Variants in PTPRQ observed in about 807,000 individuals in gnomAD.
The protein encoded by PTPRQ is phosphatidylinositol phosphatase PTPRQ.
Under a neutral mutation model 246.0 loss-of-function variants are expected in PTPRQ, and 199 were observed. That is an observed-to-expected ratio of 0.81 (90% CI 0.72 to 0.91). The LOEUF is 0.91. PTPRQ is among the 40% of genes least tolerant of loss of function. The pLI is 0.00. For synonymous variants in PTPRQ, 869 were observed against 853.2 expected (o/e 1.02, Z -0.32); for missense variants, 2,624 against 2,528.4 (o/e 1.04, Z -0.81).
At chr12:80,661,870 T>A (rs186239652) in intron 39 of PTPRQ, among the ~76,000 whole-genome samples, 52 of 151,986 alleles carry the variant, frequency 3.4e-4, no homozygotes, top group African/African-American at 1.3e-3. Context: ...ACAAATAGTA[T>A]TCAAAATGAC....
In PTPRQ at chr12:80,642,918, T is replaced by TCAAAAAAAAAAA. The variant is rs1400331385; in HGVS notation, c.5916-5979_5916-5978insCAAAAAAAAAAA. 4.3e-5 allele frequency among the ~76,000 whole-genome samples: 3 copies of TCAAAAAAAAAAA among 69,390 alleles called. 1 individual carries two copies. Among genetic ancestry groups the TCAAAAAAAAAAA allele is most frequent in the African/African-American group, 4.0e-4 (3 of 7,536 alleles). 45.5% of individuals were successfully genotyped at this position (69,390 alleles called of 152,430 possible). A position where few individuals can be genotyped will look rare whatever the true frequency, so the allele number is the denominator to read the frequency against. On this transcript the variant is annotated intron_variant, in intron 35 of 44. Transcript: ENST00000644991. ...CTGGGCGACAGAGCGAGACTCCGTC[T>TCAAAAAAAAAAA]TAAAAAAAAAAAAAAAAAAAAAAAA...
chr12:80,570,782 C>T (rs1897124113), intron 25 of PTPRQ, among the ~76,000 whole-genome samples: 1 of 152,012 alleles, frequency 6.6e-6, no homozygotes. Context: ...GGAAGGGGTC[C>T]AGTTTCAGTT....
At chr12:80,487,017 G>A (rs12315860) in intron 9 of PTPRQ, among the ~76,000 whole-genome samples, 10,994 of 152,108 alleles carry the variant, frequency 0.072, 1,047 homozygotes, top group African/African-American at 0.21. Context: ...ACTTTTTAGT[G>A]AAGATGTTCC....
Position 80,569,090 on chromosome 12 carries a change from C to T in PTPRQ, c.4286-19039C>T, listed in dbSNP as rs188372170. Among the ~76,000 whole-genome samples, 521 of 145,774 alleles carry T rather than the reference C, an allele frequency of 3.6e-3. 5 individuals carry two copies. Among genetic ancestry groups the T allele is most frequent in the Non-Finnish European group, 2.5e-3 (166 of 66,628 alleles). The stretch of plus-strand genomic sequence containing the variant: ...TCCTGAATTGTCTGTCTTTTTAGTA[C>T]TGAGTTATAGGAGTTCTTTATACAT... On this transcript the variant is annotated intron_variant, in intron 25 of 44. Transcript: ENST00000644991.
Position 80,459,372 on chromosome 12 carries a change from C to G in PTPRQ, c.549C>G (p.Gly183=). The G allele has an allele frequency of 2.5e-6, 1 of 398,430 alleles. No homozygotes were observed. Among genetic ancestry groups the G allele is most frequent in the Non-Finnish European group, 4.4e-6 (1 of 225,984 alleles). The allele number at this position is 398,430 out of a possible 1,614,324, so 24.7% of individuals were successfully genotyped here. The part of the protein sequence containing the change: ...LIWYLPRQPN[G]KITSFKISVK... ...GGTATTTACCTCGGCAACCAAATGG[C>G]AAAATTACCAGCTTCAAGATTAGTG... The change falls in exon 5 of 45, where the codon GGC becomes GGG. Residue 183 remains glycine (G), a synonymous_variant. Coordinates refer to ENST00000644991, the MANE Select transcript of PTPRQ (RefSeq NM_001145026.2).
chr12:80,509,251 G>T (rs1057466599), intron 16 of PTPRQ, among the ~76,000 whole-genome samples: 3 of 151,934 alleles, frequency 2.0e-5, no homozygotes, highest in African/African-American at 7.2e-5. Flanking sequence ...GAAAATTATT[G>T]TTAGTTAAAT....
At chr12:80,643,217 CCCCT>C (rs1899952164) in intron 35 of PTPRQ, among the ~76,000 whole-genome samples, 1 of 151,970 alleles carries the variant, frequency 6.6e-6, no homozygotes, top group African/African-American at 2.4e-5. Context: ...GCGGGTAGAT[CCCCT>C]GAGGTCAGGA....
chr12:80,487,888 G>A (rs2120625066), intron 9 of PTPRQ, among the ~76,000 whole-genome samples: 2 of 152,152 alleles, frequency 1.3e-5, no homozygotes, highest in East Asian at 3.9e-4. Context: ...TCTAGGTACA[G>A]CTTAGATTGG....
At position 80,449,321 on chromosome 12, in the gene PTPRQ, G is replaced by A. The variant is rs1225964794; in HGVS notation, c.390+3604G>A. The stretch of plus-strand genomic sequence containing the variant: ...TTGTGAAAATTTTCCCCCATTTTTT[G>A]GGTTGCCTGTTCACTCTGATGGTAG... On this transcript the variant is annotated intron_variant, in intron 3 of 44. Coordinates refer to ENST00000644991, the MANE Select transcript of PTPRQ (RefSeq NM_001145026.2). Among the ~76,000 whole-genome samples, 6 of 151,822 alleles carry A rather than the reference G, an allele frequency of 4.0e-5. 1 individual carries two copies. Among genetic ancestry groups the A allele is most frequent in the Admixed American group, 2.6e-4 (4 of 15,250 alleles).
At chr12:80,502,327 G>C (rs1894826368) in intron 14 of PTPRQ, among the ~76,000 whole-genome samples, 1 of 151,942 alleles carries the variant, frequency 6.6e-6, no homozygotes, top group Admixed American at 6.6e-5. Flanking sequence ...TCAGAGGTTT[G>C]TGAAGAGAGA....
At chr12:80,571,499 C>T (rs899602447) in intron 25 of PTPRQ, among the ~76,000 whole-genome samples, 1 of 152,156 alleles carries the variant, frequency 6.6e-6, no homozygotes, top group African/African-American at 2.4e-5. Flanking sequence ...GCTTGACTTT[C>T]TGTTTTCTTA....
At chr12:80,634,167 C>T (rs1283260728) in intron 34 of PTPRQ, among the ~76,000 whole-genome samples, 1 of 152,062 alleles carries the variant, frequency 6.6e-6, no homozygotes, top group Non-Finnish European at 1.5e-5. Flanking sequence ...TGAAATCTTG[C>T]CTCTCAACTA....
At chr12:80,562,262 C>T (rs2120922432) in intron 25 of PTPRQ, among the ~76,000 whole-genome samples, 1 of 152,194 alleles carries the variant, frequency 6.6e-6, no homozygotes, top group South Asian at 2.1e-4. Context: ...CTTTTTTGCA[C>T]TGCCTTTATC....
At chr12:80,636,005 T>C (rs1277738527) in intron 35 of PTPRQ, among the ~76,000 whole-genome samples, 1 of 152,214 alleles carries the variant, frequency 6.6e-6, no homozygotes, top group Non-Finnish European at 1.5e-5. Flanking sequence ...AGATGGACTT[T>C]GCAAGTATAT....
Position 80,452,856 on chromosome 12 carries a change from T to C in PTPRQ, c.391-4719T>C, listed in dbSNP as rs1411541073. ...ACAATTATGTGTCTTGGAGTCGCTC[T>C]TCTCGAGGAGTATCTTTGTAGCGTT... On this transcript the variant is annotated intron_variant, in intron 3 of 44. Coordinates refer to ENST00000644991, the MANE Select transcript of PTPRQ (RefSeq NM_001145026.2). 2.0e-5 allele frequency among the ~76,000 whole-genome samples: 3 copies of C among 152,274 alleles called. No individual in the cohort carries two copies. The East Asian group carries it at 5.8e-4, about 29-fold the overall frequency.
intron 7 of PTPRQ, 54 bp downstream of exon 7, chr12:80,468,892 G>T: frequency 6.6e-7 from 1 of 1,521,298 alleles, no homozygotes; most frequent in South Asian, 1.3e-5. Flanking sequence ...AATAAAATAT[G>T]TTACCAATAT....
intron 33 of PTPRQ, 141 bp downstream of exon 33, chr12:80,622,275 T>C: frequency 1.3e-6 from 1 of 781,558 alleles, no homozygotes; most frequent in African/African-American, 1.8e-5. Context: ...TAGTAATATT[T>C]GTGGGTTTTT....
chr12:80,654,019 T>TTTCTTTCTTTCTTTCTTTC (rs1565843331), intron 38 of PTPRQ, among the ~76,000 whole-genome samples: 6 of 151,728 alleles, frequency 4.0e-5, no homozygotes, highest in African/African-American at 1.5e-4. Context: ...TTCTTTCTTT[T>TTTCTTTCTTTCTTTCTTTC]TTTCTTTCTT....
chr12:80,521,394 T>G (rs915859227), intron 17 of PTPRQ, among the ~76,000 whole-genome samples: 1 of 152,226 alleles, frequency 6.6e-6, no homozygotes, highest in African/African-American at 2.4e-5. Context: ...ATTTTGGCTT[T>G]GGTTGCCATT....
Sources: gnomAD v4.1 joint callset for allele counts (sites outside exome capture counted in the v4.1 genomes callset) on GRCh38, gnomAD v4.1.1 for gene constraint, MANE v1.5 for transcripts, NCBI Gene and HGNC (gene_info 2026-07-23, HGNC 2026-07-21) for gene names.